The following CYYR1 variants were observed in gnomAD, a reference collection of about 807,000 sequenced individuals.
CYYR1 encodes cysteine and tyrosine-rich protein 1.
CYYR1 carries 14 observed loss-of-function variants against 15.2 expected under a neutral mutation model. The observed-to-expected ratio is 0.92, with a 90% CI of 0.61 to 1.44. The LOEUF is 1.44. CYYR1 is among the 40% of genes most tolerant of loss of function. The pLI is 0.00. For synonymous variants in CYYR1, 80 were observed against 77.4 expected (o/e 1.03, Z -0.18); for missense variants, 228 against 209.5 (o/e 1.09, Z -0.54).
chr21:26,493,879 T>C (rs1336177492), intron 2 of CYYR1, among the ~76,000 whole-genome samples: 1 of 152,262 alleles, frequency 6.6e-6, no homozygotes, highest in Admixed American at 6.5e-5. Context: ...TAATACTGCA[T>C]TACATAAACT....
chr21:26,481,944 C>T (rs1220562843), intron 2 of CYYR1, among the ~76,000 whole-genome samples: 1 of 151,994 alleles, frequency 6.6e-6, no homozygotes, highest in Non-Finnish European at 1.5e-5. Flanking sequence ...CAGTGATGAT[C>T]TTGTAAATGT....
Position 26,558,906 on chromosome 21 carries a change from C to T in CYYR1, c.176+7360G>A, listed in dbSNP as rs368944142. Among the ~76,000 whole-genome samples, 87 of 152,240 alleles carry T rather than the reference C, an allele frequency of 5.7e-4. No individual in the cohort carries two copies. The South Asian group carries it at 0.018, about 31-fold the overall frequency. Reference sequence around the variant, plus strand: ...GGTGTGGGTTGCTTCCAATGTTTTGCTATTTTTTAAATAATACGTCAATCA... The same window carrying T: ...GGTGTGGGTTGCTTCCAATGTTTTGTTATTTTTTAAATAATACGTCAATCA... On this transcript the variant is annotated intron_variant, in intron 2 of 3. Transcript: ENST00000652641.
intron 2 of CYYR1, among the ~76,000 whole-genome samples, chr21:26,521,248 A>G (rs905672370): frequency 6.6e-6 from 1 of 152,242 alleles, no homozygotes; most frequent in Admixed American, 6.5e-5. Flanking sequence ...AGATGAATTA[A>G]GAGGCACTAA....
intron 2 of CYYR1, among the ~76,000 whole-genome samples, chr21:26,528,743 T>C (rs1246827702): frequency 1.3e-5 from 2 of 152,214 alleles, no homozygotes. Context: ...GTTCAATCTA[T>C]TGGATGGTAC....
chr21:26,508,953 GA>G (rs1232828563), intron 2 of CYYR1, among the ~76,000 whole-genome samples: 2 of 152,122 alleles, frequency 1.3e-5, no homozygotes, highest in Non-Finnish European at 2.9e-5. Flanking sequence ...ACACATGATC[GA>G]ATACACATTA....
chr21:26,482,743 T>C (rs1195204169), intron 2 of CYYR1, among the ~76,000 whole-genome samples: 1 of 152,094 alleles, frequency 6.6e-6, no homozygotes, highest in African/African-American at 2.4e-5. Context: ...GCTTATTGTC[T>C]TCTAGAATTT....
At chr21:26,475,733 T>G (rs1050654076) in intron 3 of CYYR1, among the ~76,000 whole-genome samples, 1 of 152,200 alleles carries the variant, frequency 6.6e-6, no homozygotes, top group Non-Finnish European at 1.5e-5. Context: ...GCATTAATTC[T>G]GCAACCACAG....
chr21:26,529,537 GC>G (rs1464967455), intron 2 of CYYR1, among the ~76,000 whole-genome samples: 1 of 152,186 alleles, frequency 6.6e-6, no homozygotes, highest in Non-Finnish European at 1.5e-5. Context: ...TACCAAGTGT[GC>G]TTTTGCTGGA....
At chr21:26,492,209 GT>G (rs1302785888) in intron 2 of CYYR1, among the ~76,000 whole-genome samples, 1 of 152,184 alleles carries the variant, frequency 6.6e-6, no homozygotes, top group African/African-American at 2.4e-5. Flanking sequence ...GAGTTTCTGA[GT>G]TTTATGTCTA....
chr21:26,539,482 A>T (rs538655365), intron 2 of CYYR1, among the ~76,000 whole-genome samples: 5 of 152,300 alleles, frequency 3.3e-5, no homozygotes, highest in South Asian at 4.1e-4. Flanking sequence ...CTCTTGATGC[A>T]TCAGGGTTGG....
chr21:26,552,783 C>T (rs1196988418), intron 2 of CYYR1, among the ~76,000 whole-genome samples: 1 of 152,212 alleles, frequency 6.6e-6, no homozygotes, highest in African/African-American at 2.4e-5. Context: ...ATTAACCTTT[C>T]CCCTCCTGTG....
chr21:26,474,200 G>A (rs1049345381), intron 3 of CYYR1, among the ~76,000 whole-genome samples: 4 of 151,394 alleles, frequency 2.6e-5, no homozygotes, highest in Non-Finnish European at 4.4e-5. Flanking sequence ...GCCCACAGGC[G>A]CCTGCCACCA....
chr21:26,500,193 T>G (rs2065461291), intron 2 of CYYR1, among the ~76,000 whole-genome samples: 1 of 152,130 alleles, frequency 6.6e-6, no homozygotes, highest in Non-Finnish European at 1.5e-5. Flanking sequence ...CCTCCTAACC[T>G]CATCTAAACC....
chr21:26,525,479 G>A (rs1379511124), intron 2 of CYYR1, among the ~76,000 whole-genome samples: 1 of 152,092 alleles, frequency 6.6e-6, no homozygotes, highest in African/African-American at 2.4e-5. Flanking sequence ...TTTAGTTCCT[G>A]CTGCCCCTGC....
chr21:26,493,319 G>A (rs219629), intron 2 of CYYR1, among the ~76,000 whole-genome samples: 123,209 of 152,100 alleles, frequency 0.81, 50,800 homozygotes, highest in Non-Finnish European at 0.88. Context: ...AACATGGAGA[G>A]TGGATTTGAT....
At chr21:26,551,696 A>T (rs1241179858) in intron 2 of CYYR1, 4 of 186,600 alleles carry the variant, frequency 2.1e-5, no homozygotes, top group Non-Finnish European at 3.4e-5. Context: ...ACATAACAGC[A>T]GTTAATTCTT....
At chr21:26,527,452 C>T (rs2065881857) in intron 2 of CYYR1, among the ~76,000 whole-genome samples, 1 of 152,036 alleles carries the variant, frequency 6.6e-6, no homozygotes, top group Admixed American at 6.6e-5. Flanking sequence ...GTACAAACCT[C>T]AAAGGTTAGA....
intron 2 of CYYR1, among the ~76,000 whole-genome samples, chr21:26,559,617 A>G (rs1415145943): frequency 6.6e-6 from 1 of 152,126 alleles, no homozygotes; most frequent in African/African-American, 2.4e-5. Flanking sequence ...ATTTAGTCTG[A>G]TAAGAGTGGA....
At chr21:26,468,669 A>G (rs2064997743) in intron 3 of CYYR1, 35 bp from the exon 4 acceptor site, 3 of 1,497,140 alleles carry the variant, frequency 2.0e-6, no homozygotes, top group Non-Finnish European at 2.7e-6. Context: ...TCAAGGAGTT[A>G]GCAAATATTT....
Sources: gnomAD v4.1 joint callset for allele counts (sites outside exome capture counted in the v4.1 genomes callset) on GRCh38, gnomAD v4.1.1 for gene constraint, MANE v1.5 for transcripts, NCBI Gene and HGNC (gene_info 2026-07-23, HGNC 2026-07-21) for gene names.